INPP5F: variants seen among roughly 807,000 people sequenced by gnomAD.
The protein encoded by INPP5F is phosphatidylinositide 4-phosphatase SAC2.
A neutral mutation model predicts 137.2 loss-of-function variants in INPP5F; 97 were observed. That is an observed-to-expected ratio of 0.71 (90% CI 0.60 to 0.84). The LOEUF is 0.84. Among genes scored for constraint, INPP5F ranks in the 40% least tolerant of loss-of-function variants. INPP5F has a pLI of 0.00. For missense variants in INPP5F, 1,271 were observed against 1,371.9 expected (o/e 0.93, Z 1.16); for synonymous variants, 504 against 476.9 (o/e 1.06, Z -0.74).
At chr10:119,790,994 AT>A (rs1158749202) in intron 3 of INPP5F, among the ~76,000 whole-genome samples, 2 of 152,188 alleles carry the variant, frequency 1.3e-5, no homozygotes, top group African/African-American at 4.8e-5. Context: ...AGCTGATTTC[AT>A]TAGTGCATGT....
chr10:119,762,416 C>G (rs901130857), intron 2 of INPP5F, among the ~76,000 whole-genome samples: 2 of 152,006 alleles, frequency 1.3e-5, no homozygotes, highest in Non-Finnish European at 2.9e-5. Flanking sequence ...GGGCACTAAT[C>G]CCATTTGTGA....
At chr10:119,795,907 C>T (rs1023860827) in intron 6 of INPP5F, among the ~76,000 whole-genome samples, 1 of 152,238 alleles carries the variant, frequency 6.6e-6, no homozygotes, top group Non-Finnish European at 1.5e-5. Flanking sequence ...GAAACCCCGT[C>T]TCCACCAAAA....
chr10:119,737,899 T>A (rs888146854), intron 1 of INPP5F, among the ~76,000 whole-genome samples: 1 of 150,198 alleles, frequency 6.7e-6, no homozygotes, highest in Non-Finnish European at 1.5e-5. Context: ...CTCTGATACC[T>A]TTTTTTTTTC....
intron 2 of INPP5F, 48 bp from the exon 3 acceptor site, chr10:119,781,587 A>G (rs771938380): frequency 3.2e-6 from 5 of 1,547,032 alleles, no homozygotes; most frequent in East Asian, 4.6e-5. Flanking sequence ...TTGTCAGAAC[A>G]GTAGCACTCT....
chr10:119,824,511 G>T (rs966110948), intron 19 of INPP5F, among the ~76,000 whole-genome samples: 1 of 152,168 alleles, frequency 6.6e-6, no homozygotes, highest in Non-Finnish European at 1.5e-5. Flanking sequence ...TTAGTGCCTC[G>T]TGCTGTGGGG....
intron 3 of INPP5F, 131 bp from the exon 4 acceptor site, chr10:119,791,386 A>T: frequency 1.4e-6 from 1 of 709,908 alleles, no homozygotes; most frequent in Non-Finnish European, 2.4e-6. Flanking sequence ...TCAATTGTCT[A>T]CTTGATAATT....
At chr10:119,784,301 T>G (rs1241465887) in intron 3 of INPP5F, among the ~76,000 whole-genome samples, 1 of 152,222 alleles carries the variant, frequency 6.6e-6, no homozygotes, top group Non-Finnish European at 1.5e-5. Flanking sequence ...GGTGGGTGTT[T>G]CCATTTGTGC....
rs1213856226 is a variant in INPP5F, at chr10:119,828,526, AAGTC to A, written c.*753_*756del. The A allele has an allele frequency of 6.6e-6, 1 of 151,872 alleles. No homozygotes were observed. The highest frequency in any genetic ancestry group is 1.5e-5 in the Non-Finnish European group (1 of 67,992). The allele number at this position is 151,872 out of a possible 1,614,324, so 9.4% of individuals were successfully genotyped here. On this transcript the variant is annotated 3_prime_UTR_variant, in exon 20 of 20. Coordinates refer to ENST00000650623, the MANE Select transcript of INPP5F (RefSeq NM_014937.4). ...CCATATTGGCTACTGGAAATTCTAG[AAGTC>A]AGTCAGGTTTTAATTTATTCCAGGA...
At chr10:119,785,302 T>TTTTTTGG (rs1554889600) in intron 3 of INPP5F, among the ~76,000 whole-genome samples, 1 of 147,632 alleles carries the variant, frequency 6.8e-6, no homozygotes, top group Non-Finnish European at 1.5e-5. Flanking sequence ...TTTTTTTTTT[T>TTTTTTGG]GGAGACGGAG....
At chr10:119,753,297 GAAGA>G (rs1375092188) in intron 2 of INPP5F, among the ~76,000 whole-genome samples, 1 of 152,178 alleles carries the variant, frequency 6.6e-6, no homozygotes, top group African/African-American at 2.4e-5. Flanking sequence ...TAGGAGACCT[GAAGA>G]CAAGCTGTAT....
intron 10 of INPP5F, 40 bp from the exon 11 acceptor site, chr10:119,805,344 T>C: frequency 6.6e-7 from 1 of 1,504,804 alleles, no homozygotes; most frequent in Non-Finnish European, 9.2e-7. Flanking sequence ...AATCTATGAT[T>C]AAATTAAAGA....
At chr10:119,736,883 A>G (rs1303794696) in intron 1 of INPP5F, among the ~76,000 whole-genome samples, 3 of 152,186 alleles carry the variant, frequency 2.0e-5, no homozygotes, top group Admixed American at 2.0e-4. Flanking sequence ...CCCAGGCTGG[A>G]ATGTGGGATA....
chr10:119,794,561 G>A (rs1333865808), intron 6 of INPP5F, among the ~76,000 whole-genome samples: 2 of 151,800 alleles, frequency 1.3e-5, no homozygotes, highest in East Asian at 2.0e-4. Context: ...GGTGGTGGCC[G>A]GGCAGAGGGG....
intron 1 of INPP5F, among the ~76,000 whole-genome samples, chr10:119,732,581 CCTCTGCCTCCCGGGTTCAAGCAGTTCT>C (rs1387681532): frequency 7.1e-6 from 1 of 141,632 alleles, no homozygotes; most frequent in Non-Finnish European, 1.5e-5. Context: ...CTCATTGCAA[CCTCTGCCTCCCGGGTTCAAGCAGTTCT>C]CTCTGCCTCA....
intron 2 of INPP5F, among the ~76,000 whole-genome samples, chr10:119,778,197 A>G (rs1849586414): frequency 6.6e-6 from 1 of 151,906 alleles, no homozygotes; most frequent in South Asian, 2.1e-4. Flanking sequence ...TAGTAGAGAC[A>G]GAATTTTGCC....
intron 2 of INPP5F, 31 bp from the exon 3 acceptor site, chr10:119,781,604 G>C (rs760082613): frequency 6.4e-7 from 1 of 1,572,146 alleles, no homozygotes; most frequent in Non-Finnish European, 8.7e-7. Flanking sequence ...CTCTAAAAAC[G>C]CCAGACTTTA....
intron 6 of INPP5F, among the ~76,000 whole-genome samples, chr10:119,794,920 C>T (rs1225536920): frequency 4.3e-4 from 56 of 130,564 alleles, no homozygotes; most frequent in Non-Finnish European, 8.1e-4. Context: ...CACCTCCCTC[C>T]CGGATGGGGC....
intron 2 of INPP5F, among the ~76,000 whole-genome samples, chr10:119,769,267 G>C (rs1170555710): frequency 6.6e-6 from 1 of 152,134 alleles, no homozygotes; most frequent in African/African-American, 2.4e-5. Context: ...AAGGTCATGA[G>C]TAGGGAGTCG....
At chr10:119,743,357 G>C (rs1049878701) in intron 1 of INPP5F, among the ~76,000 whole-genome samples, 1 of 152,200 alleles carries the variant, frequency 6.6e-6, no homozygotes, top group African/African-American at 2.4e-5. Flanking sequence ...AGGTCTAAGT[G>C]AGCTTCCTCT....
Sources: gnomAD v4.1 joint callset for allele counts (sites outside exome capture counted in the v4.1 genomes callset) on GRCh38, gnomAD v4.1.1 for gene constraint, MANE v1.5 for transcripts, NCBI Gene and HGNC (gene_info 2026-07-23, HGNC 2026-07-21) for gene names.